Variants in YTHDF2 observed in about 807,000 individuals in gnomAD.
The protein encoded by YTHDF2 is YTH N6-methyladenosine RNA binding protein F2.
Under a neutral mutation model 50.4 loss-of-function variants are expected in YTHDF2, and 2 were observed. That is an observed-to-expected ratio of 0.04 (90% CI 0.02 to 0.12). The LOEUF is 0.12. Among genes scored for constraint, YTHDF2 ranks in the 10% least tolerant of loss-of-function variants. The pLI is 1.00. For missense variants in YTHDF2, 483 were observed against 722.6 expected (o/e 0.67, Z 3.80); for synonymous variants, 217 against 255.6 (o/e 0.85, Z 1.44).
At chr1:28,767,426 C>T (rs939078077) in intron 4 of YTHDF2, among the ~76,000 whole-genome samples, 1 of 152,146 alleles carries the variant, frequency 6.6e-6, no homozygotes, top group South Asian at 2.1e-4. Context: ...CAATTTGGGA[C>T]AAATAATTTA....
At chr1:28,749,540 C>G (rs879296163) in intron 4 of YTHDF2, among the ~76,000 whole-genome samples, 26 of 152,196 alleles carry the variant, frequency 1.7e-4, no homozygotes, top group Non-Finnish European at 3.2e-4. Context: ...GTTAACTTTC[C>G]TGAATGAGTG....
chr1:28,757,395 A>C (rs2088049334), intron 4 of YTHDF2, among the ~76,000 whole-genome samples: 2 of 151,876 alleles, frequency 1.3e-5, no homozygotes, highest in Admixed American at 6.6e-5. Context: ...GAACTGTTGG[A>C]TATAGAGTGG....
chr1:28,745,417 CAGTTTAAT>C (rs1437276310), intron 4 of YTHDF2, among the ~76,000 whole-genome samples: 2 of 152,320 alleles, frequency 1.3e-5, no homozygotes, highest in South Asian at 4.1e-4. Context: ...CTCTTCCCCA[CAGTTTAAT>C]AGTTTAACTT....
intron 2 of YTHDF2, 95 bp from the exon 3 acceptor site, chr1:28,738,155 GCTTTGTTAA>G: frequency 1.2e-6 from 1 of 849,754 alleles, no homozygotes; most frequent in Non-Finnish European, 1.9e-6. Context: ...AATCTTACGT[GCTTTGTTAA>G]CTAGTAAGGT....
intron 4 of YTHDF2, among the ~76,000 whole-genome samples, chr1:28,757,647 A>G (rs540823926): frequency 6.6e-6 from 1 of 152,330 alleles, no homozygotes; most frequent in Admixed American, 6.5e-5. Flanking sequence ...GCATGTAAAA[A>G]TCTTGCAATG....
chr1:28,762,044 T>C (rs1422546110), intron 4 of YTHDF2, among the ~76,000 whole-genome samples: 10 of 152,212 alleles, frequency 6.6e-5, no homozygotes, highest in Admixed American at 1.3e-4. Flanking sequence ...GTTGATTCTA[T>C]TAAACCATAT....
In YTHDF2 at chr1:28,736,985, C is replaced by A; in HGVS notation, c.-136C>A. 1 of 1,141,148 alleles carries A rather than the reference C, an allele frequency of 8.8e-7. No homozygotes were observed. Among genetic ancestry groups the A allele is most frequent in the Non-Finnish European group, 1.2e-6 (1 of 808,914 alleles). 70.7% of individuals were successfully genotyped at this position (1,141,148 alleles called of 1,614,324 possible). A position where few individuals can be genotyped will look rare whatever the true frequency, so the allele number is the denominator to read the frequency against. Reference sequence around the variant, plus strand: ...CCGGAGCCTGAGCCGCGCGCTGTGTCTCCGCTGCGTCCGCCGAGGCCCCCG... The same window carrying A: ...CCGGAGCCTGAGCCGCGCGCTGTGTATCCGCTGCGTCCGCCGAGGCCCCCG... On this transcript the variant is annotated 5_prime_UTR_variant, in exon 1 of 5. Coordinates refer to ENST00000373812, the MANE Select transcript of YTHDF2 (RefSeq NM_016258.3).
chr1:28,757,005 A>G (rs976339561), intron 4 of YTHDF2, among the ~76,000 whole-genome samples: 2 of 152,326 alleles, frequency 1.3e-5, no homozygotes, highest in East Asian at 3.9e-4. Flanking sequence ...TCTTTCTCCT[A>G]CACAAAGCAG....
chr1:28,761,565 C>T (rs1371715311), intron 4 of YTHDF2, among the ~76,000 whole-genome samples: 1 of 152,168 alleles, frequency 6.6e-6, no homozygotes, highest in East Asian at 1.9e-4. Context: ...TGGAGAAACC[C>T]CGTCTCTACT....
intron 4 of YTHDF2, among the ~76,000 whole-genome samples, chr1:28,761,923 A>C (rs2088140671): frequency 6.6e-6 from 1 of 152,158 alleles, no homozygotes; most frequent in African/African-American, 2.4e-5. Flanking sequence ...ATCTGGGGGA[A>C]GTTAGCATCT....
At chr1:28,749,826 G>C (rs1399532013) in intron 4 of YTHDF2, among the ~76,000 whole-genome samples, 1 of 152,072 alleles carries the variant, frequency 6.6e-6, no homozygotes, top group Admixed American at 6.6e-5. Flanking sequence ...CAAATGGAGA[G>C]TGAGGAGAGA....
At chr1:28,760,198 T>TA in intron 4 of YTHDF2, among the ~76,000 whole-genome samples, 1 of 152,232 alleles carries the variant, frequency 6.6e-6, no homozygotes, top group East Asian at 1.9e-4. Flanking sequence ...GCCTTTCTTT[T>TA]AATAAGTAGT....
intron 4 of YTHDF2, among the ~76,000 whole-genome samples, chr1:28,747,498 G>T (rs565087330): frequency 6.9e-6 from 1 of 145,574 alleles, no homozygotes; most frequent in South Asian, 2.2e-4. Flanking sequence ...TTGCAATCCA[G>T]CCTGGTGAAA....
chr1:28,737,506 C>G, intron 1 of YTHDF2, 152 bp from the exon 2 acceptor site: 2 of 1,071,956 alleles, frequency 1.9e-6, no homozygotes, highest in Non-Finnish European at 2.6e-6. Context: ...TCCCCCGCCT[C>G]CCATTTTCAG....
At chr1:28,760,562 A>G (rs1184354216) in intron 4 of YTHDF2, among the ~76,000 whole-genome samples, 1 of 151,486 alleles carries the variant, frequency 6.6e-6, no homozygotes, top group African/African-American at 2.4e-5. Flanking sequence ...CCCATGGATT[A>G]CAGTCGTGAG....
At chr1:28,768,451 C>A (rs2088253677) in intron 4 of YTHDF2, among the ~76,000 whole-genome samples, 1 of 151,702 alleles carries the variant, frequency 6.6e-6, no homozygotes. Flanking sequence ...TATTAATTCT[C>A]CATAACCCTG....
In YTHDF2 at chr1:28,737,051, G is replaced by GGCTCATCTGCCGCCGCCGCCGC; in HGVS notation, c.-66_-45dup. On this transcript the variant is annotated 5_prime_UTR_variant, in exon 1 of 5. Transcript: ENST00000373812. The stretch of plus-strand genomic sequence containing the variant: ...AGCCTCCGCCTGCTCCCGCAGACGG[G>GGCTCATCTGCCGCCGCCGCCGC]GCTCATCTGCCGCCGCCGCCGCGCT... The GGCTCATCTGCCGCCGCCGCCGC allele has an allele frequency of 6.5e-7, 1 of 1,546,416 alleles. No individual in the cohort carries two copies. The highest frequency in any genetic ancestry group is 8.7e-7 in the Non-Finnish European group (1 of 1,145,964).
intron 3 of YTHDF2, among the ~76,000 whole-genome samples, chr1:28,738,685 C>T (rs771104311): frequency 2.6e-5 from 4 of 152,178 alleles, no homozygotes; most frequent in African/African-American, 4.8e-5. Context: ...GTGATTCACC[C>T]GCCTTGGCCT....
chr1:28,747,510 A>G (rs2087881787), intron 4 of YTHDF2, among the ~76,000 whole-genome samples: 1 of 144,528 alleles, frequency 6.9e-6, no homozygotes, highest in Non-Finnish European at 1.5e-5. Flanking sequence ...CTGGTGAAAG[A>G]GCAAAACTTG....
Sources: gnomAD v4.1 joint callset for allele counts (sites outside exome capture counted in the v4.1 genomes callset) on GRCh38, gnomAD v4.1.1 for gene constraint, MANE v1.5 for transcripts, NCBI Gene and HGNC (gene_info 2026-07-23, HGNC 2026-07-21) for gene names.